CCDC91: variants seen among roughly 807,000 people sequenced by gnomAD.
CCDC91 encodes the protein coiled-coil domain containing 91.
Under a neutral mutation model 63.2 loss-of-function variants are expected in CCDC91, and 48 were observed. That is an observed-to-expected ratio of 0.76 (90% confidence interval 0.60 to 0.97). The LOEUF (loss-of-function observed/expected upper bound fraction) is 0.97, where lower values mean the gene tolerates loss of function less well. CCDC91 is among the 50% of genes least tolerant of loss of function. The pLI is 0.00. For synonymous variants in CCDC91, 167 were observed against 165.8 expected (o/e 1.01, Z -0.06); for missense variants, 500 against 494.6 (o/e 1.01, Z -0.10).
At chr12:28,422,591 A>G (rs576316589) in intron 8 of CCDC91, among the ~76,000 whole-genome samples, 5 of 152,176 alleles carry the variant, frequency 3.3e-5, no homozygotes, top group Non-Finnish European at 7.4e-5. Context: ...ATTGTCCCAA[A>G]TGTATATAGT....
intron 7 of CCDC91, among the ~76,000 whole-genome samples, chr12:28,376,674 A>G (rs1291612296): frequency 6.6e-6 from 1 of 151,860 alleles, no homozygotes; most frequent in Non-Finnish European, 1.5e-5. Flanking sequence ...GTATTTTTAA[A>G]GAGAAAGTAT....
At chr12:28,532,680 A>G (rs1592978669) in intron 12 of CCDC91, among the ~76,000 whole-genome samples, 1 of 152,098 alleles carries the variant, frequency 6.6e-6, no homozygotes, top group Non-Finnish European at 1.5e-5. Flanking sequence ...GTCAACAAGC[A>G]TAGTACACAG....
At chr12:28,416,219 C>A (rs1465781288) in intron 8 of CCDC91, among the ~76,000 whole-genome samples, 1 of 151,764 alleles carries the variant, frequency 6.6e-6, no homozygotes, top group Non-Finnish European at 1.5e-5. Context: ...GTGTTATATC[C>A]CCACAACTAT....
At chr12:28,253,744 G>A (rs542052200) in intron 1 of CCDC91, among the ~76,000 whole-genome samples, 10 of 152,152 alleles carry the variant, frequency 6.6e-5, no homozygotes, top group South Asian at 6.2e-4. Context: ...ATACCTTTCC[G>A]TAAAGATGAA....
chr12:28,381,022 A>G (rs565736068), intron 7 of CCDC91, among the ~76,000 whole-genome samples: 1 of 152,232 alleles, frequency 6.6e-6, no homozygotes, highest in African/African-American at 2.4e-5. Context: ...ACATGCTTAC[A>G]CTCATTAAGG....
intron 8 of CCDC91, among the ~76,000 whole-genome samples, chr12:28,394,650 C>T (rs1006747782): frequency 3.5e-4 from 52 of 149,634 alleles, no homozygotes; most frequent in African/African-American, 1.1e-3. Flanking sequence ...TTGAGAAAAG[C>T]GCAAATCTAA....
intron 8 of CCDC91, among the ~76,000 whole-genome samples, chr12:28,399,749 A>G (rs976583545): frequency 1.3e-5 from 2 of 152,232 alleles, no homozygotes; most frequent in Admixed American, 6.5e-5. Context: ...CAGAAATCCA[A>G]TAGGGCAGTC....
At chr12:28,371,136 T>G (rs942745240) in intron 7 of CCDC91, among the ~76,000 whole-genome samples, 9 of 152,152 alleles carry the variant, frequency 5.9e-5, no homozygotes, top group African/African-American at 2.2e-4. Context: ...CATTCTATTT[T>G]GGTGGTGGTT....
intron 8 of CCDC91, among the ~76,000 whole-genome samples, chr12:28,429,600 A>G (rs752806823): frequency 1.3e-5 from 2 of 152,178 alleles, no homozygotes; most frequent in Non-Finnish European, 2.9e-5. Context: ...AAGAATTCAC[A>G]AAAGAATTGA....
intron 12 of CCDC91, among the ~76,000 whole-genome samples, chr12:28,487,996 A>G (rs1951812782): frequency 6.6e-6 from 1 of 151,760 alleles, no homozygotes; most frequent in South Asian, 2.1e-4. Flanking sequence ...GAAATACCTT[A>G]TGGATTATCT....
At chr12:28,426,598 T>C (rs1250823775) in intron 8 of CCDC91, among the ~76,000 whole-genome samples, 1 of 152,160 alleles carries the variant, frequency 6.6e-6, no homozygotes, top group East Asian at 1.9e-4. Context: ...TCATGTTGAA[T>C]CTACTGATGA....
chr12:28,279,797 CTTTA>C (rs1266652758), intron 3 of CCDC91, among the ~76,000 whole-genome samples: 3 of 151,762 alleles, frequency 2.0e-5, no homozygotes, highest in Non-Finnish European at 4.4e-5. Context: ...ATGCTAGAAA[CTTTA>C]TTTTTCTTTC....
chr12:28,407,646 A>G (rs1052833115), intron 8 of CCDC91, among the ~76,000 whole-genome samples: 2 of 152,144 alleles, frequency 1.3e-5, no homozygotes, highest in Admixed American at 6.5e-5. Context: ...GCCTGTTGGT[A>G]TGTTGATTTT....
chr12:28,317,039 C>T (rs529021734), intron 6 of CCDC91, among the ~76,000 whole-genome samples: 1 of 151,942 alleles, frequency 6.6e-6, no homozygotes, highest in African/African-American at 2.4e-5. Flanking sequence ...GCATGCTGAC[C>T]TCTCCAGTGA....
At chr12:28,463,606 G>A (rs1335606951) in intron 11 of CCDC91, among the ~76,000 whole-genome samples, 1 of 152,102 alleles carries the variant, frequency 6.6e-6, no homozygotes, top group Non-Finnish European at 1.5e-5. Flanking sequence ...ACACTTTAAG[G>A]GGAAGACTGA....
intron 8 of CCDC91, among the ~76,000 whole-genome samples, chr12:28,427,618 A>G (rs995247332): frequency 2.6e-5 from 4 of 152,174 alleles, no homozygotes; most frequent in African/African-American, 7.2e-5. Flanking sequence ...ACCAGTTTAT[A>G]TCTCCAGCAA....
At chr12:28,537,459 T>A (rs1183749098) in intron 12 of CCDC91, among the ~76,000 whole-genome samples, 1 of 152,234 alleles carries the variant, frequency 6.6e-6, no homozygotes, top group African/African-American at 2.4e-5. Flanking sequence ...GTTCTCAACT[T>A]CTCAAGCTGA....
intron 11 of CCDC91, among the ~76,000 whole-genome samples, chr12:28,453,252 G>C (rs913393615): frequency 6.6e-6 from 1 of 151,830 alleles, no homozygotes; most frequent in African/African-American, 2.4e-5. Context: ...AATTGAATTT[G>C]CACAGTTCTA....
chr12:28,375,010 A>G (rs967584779), intron 7 of CCDC91, among the ~76,000 whole-genome samples: 2 of 152,032 alleles, frequency 1.3e-5, no homozygotes, highest in African/African-American at 4.8e-5. Flanking sequence ...CAGAATTTAT[A>G]CTTTGAGACT....
Sources: allele counts gnomAD v4.1 joint callset (sites outside exome capture counted in the v4.1 genomes callset), GRCh38; gene constraint gnomAD v4.1.1; transcripts MANE v1.5; gene names NCBI Gene and HGNC (gene_info 2026-07-23, HGNC 2026-07-21).